Variants in RAP1GDS1 observed in about 807,000 individuals in gnomAD.
RAP1GDS1 encodes the protein RAP1, GTP-GDP dissociation stimulator 1.
Under a neutral mutation model 71.1 loss-of-function variants are expected in RAP1GDS1, and 35 were observed. The ratio of observed to expected loss-of-function variants is 0.49; its 90% CI spans 0.38 to 0.65. RAP1GDS1 has a LOEUF of 0.65. RAP1GDS1 is among the 30% of genes least tolerant of loss of function. RAP1GDS1 has a pLI of 0.00. For synonymous variants in RAP1GDS1, 229 were observed against 243.1 expected (o/e 0.94, Z 0.54); for missense variants, 663 against 706.1 (o/e 0.94, Z 0.69).
intron 2 of RAP1GDS1, among the ~76,000 whole-genome samples, chr4:98,304,028 T>C (rs1263525740): frequency 6.6e-6 from 1 of 152,180 alleles, no homozygotes; most frequent in Non-Finnish European, 1.5e-5. Context: ...ACAAAGGACA[T>C]GATCTAATTC....
At chr4:98,345,495 T>C (rs1736095720) in intron 3 of RAP1GDS1, among the ~76,000 whole-genome samples, 1 of 152,162 alleles carries the variant, frequency 6.6e-6, no homozygotes, top group South Asian at 2.1e-4. Context: ...GTAAAAGATT[T>C]TTTAGACCTT....
chr4:98,340,956 A>G (rs1479143777), intron 2 of RAP1GDS1, among the ~76,000 whole-genome samples: 1 of 152,066 alleles, frequency 6.6e-6, no homozygotes, highest in Non-Finnish European at 1.5e-5. Context: ...AATAATCTTT[A>G]CACCAAACCC....
At chr4:98,371,407 ATCT>A (rs1239299923) in intron 4 of RAP1GDS1, among the ~76,000 whole-genome samples, 1 of 151,512 alleles carries the variant, frequency 6.6e-6, no homozygotes, top group South Asian at 2.1e-4. Context: ...GGATTGTTGT[ATCT>A]TCTTGTTGAA....
chr4:98,322,109 G>T (rs1732034254), intron 2 of RAP1GDS1, among the ~76,000 whole-genome samples: 2 of 99,870 alleles, frequency 2.0e-5, no homozygotes, highest in South Asian at 4.3e-4. Context: ...AAAAAGGCAG[G>T]GATTGCAATC....
chr4:98,443,825 A>G lies in RAP1GDS1; in HGVS notation c.*1708A>G, dbSNP rs982971977. ...CATCTGTAATGTTGCATATCTGTTC[A>G]TATTAATAACTTAATAAATAGTATA... On this transcript the variant is annotated 3_prime_UTR_variant, in exon 15 of 15. Coordinates refer to ENST00000408927, the MANE Select transcript of RAP1GDS1 (RefSeq NM_001100427.2). 1.0e-4 allele frequency: 18 copies of G among 179,860 alleles called. No homozygotes were observed. The highest frequency in any genetic ancestry group is 1.8e-4 in the Non-Finnish European group (15 of 84,020). The allele number at this position is 179,860 out of a possible 1,614,324, so 11.1% of individuals were successfully genotyped here. A position where few individuals can be genotyped will look rare whatever the true frequency, so the allele number is the denominator to read the frequency against.
intron 13 of RAP1GDS1, among the ~76,000 whole-genome samples, chr4:98,434,697 T>C (rs1035787180): frequency 1.3e-5 from 2 of 150,976 alleles, no homozygotes; most frequent in Non-Finnish European, 2.9e-5. Flanking sequence ...CTCAGCTCAC[T>C]GCAACGTCCG....
intron 1 of RAP1GDS1, among the ~76,000 whole-genome samples, chr4:98,281,230 T>C (rs905944256): frequency 1.3e-5 from 2 of 152,168 alleles, no homozygotes; most frequent in Non-Finnish European, 2.9e-5. Flanking sequence ...GATATTGATT[T>C]GTCCTATCCA....
intron 12 of RAP1GDS1, among the ~76,000 whole-genome samples, chr4:98,425,195 T>C (rs1051501883): frequency 2.0e-5 from 3 of 152,062 alleles, no homozygotes; most frequent in African/African-American, 7.2e-5. Flanking sequence ...ACTGAGAGAA[T>C]TCACCACTAC....
At chr4:98,425,871 G>GGACTT (rs911660602) in intron 12 of RAP1GDS1, among the ~76,000 whole-genome samples, 1 of 152,010 alleles carries the variant, frequency 6.6e-6, no homozygotes, top group Admixed American at 6.6e-5. Flanking sequence ...TAGAACAAAT[G>GGACTT]GACTTAACAG....
At position 98,418,731 on chromosome 4, in the gene RAP1GDS1, G is replaced by A. The variant is rs751174564; in HGVS notation, c.1114G>A (p.Asp372Asn). Residue 372 changes from aspartate (D) to asparagine (N), a missense_variant, in exon 10 of 15, where the codon GAT becomes AAT. Transcript: ENST00000408927. ...GGATTTACTGGACAGACATGTAGAA[G>A]ATGGAAATGTAACAGTACAGCATGC... ...LMDLLDRHVE[D>N]GNVTVQHAAL... is the part of the protein sequence containing the mutation. 4 of 1,612,728 alleles carry A rather than the reference G, an allele frequency of 2.5e-6. No homozygotes were observed. In the South Asian group the frequency reaches 4.4e-5, roughly 18 times the overall value.
chr4:98,367,197 A>G (rs867593477), intron 4 of RAP1GDS1, among the ~76,000 whole-genome samples: 2 of 152,190 alleles, frequency 1.3e-5, no homozygotes, highest in Admixed American at 1.3e-4. Context: ...AGCAGGGGCC[A>G]AGGTACAGCT....
chr4:98,330,545 CG>C (rs1310880603), intron 2 of RAP1GDS1, among the ~76,000 whole-genome samples: 2 of 144,908 alleles, frequency 1.4e-5, no homozygotes, highest in African/African-American at 5.2e-5. Flanking sequence ...ACCTCCCAGA[CG>C]GGGCGGCCGG....
chr4:98,301,250 T>A (rs967089481), intron 2 of RAP1GDS1, among the ~76,000 whole-genome samples: 1 of 152,174 alleles, frequency 6.6e-6, no homozygotes. Flanking sequence ...GTGTTCATTG[T>A]CCATGAGGGC....
chr4:98,290,500 A>G (rs187831651), intron 1 of RAP1GDS1, among the ~76,000 whole-genome samples: 1 of 152,244 alleles, frequency 6.6e-6, no homozygotes, highest in East Asian at 1.9e-4. Context: ...CTGATAGCTA[A>G]AAATTTAGGT....
chr4:98,355,920 C>T (rs1737900950), intron 4 of RAP1GDS1, among the ~76,000 whole-genome samples: 1 of 152,164 alleles, frequency 6.6e-6, no homozygotes, highest in South Asian at 2.1e-4. Flanking sequence ...ATGAAAGAAT[C>T]ACTCACTGGC....
In RAP1GDS1 at chr4:98,328,340, A is replaced by G. The variant is rs80356046; in HGVS notation, c.113-14799A>G. ...AAAAAAAGTAGCATTGAGGTGCGTA[A>G]GAGTCTTACTATTATATAAAAGTCT... is the stretch of plus-strand genomic sequence containing the variant. On this transcript the variant is annotated intron_variant, in intron 2 of 14. Transcript: ENST00000408927. Among the ~76,000 whole-genome samples, 2,576 of 152,358 alleles carry G rather than the reference A, an allele frequency of 0.017. 152 individuals are homozygous for G. The East Asian group carries it at 0.23, about 13-fold the overall frequency.
chr4:98,343,447 C>G, intron 3 of RAP1GDS1, 186 bp downstream of exon 3: 2 of 653,232 alleles, frequency 3.1e-6, no homozygotes, highest in East Asian at 3.4e-5. Context: ...CATACCTGTC[C>G]CATCTGATAA....
intron 1 of RAP1GDS1, among the ~76,000 whole-genome samples, chr4:98,274,391 G>C (rs918318544): frequency 2.6e-5 from 4 of 152,122 alleles, no homozygotes; most frequent in Non-Finnish European, 5.9e-5. Context: ...AATAAATGAA[G>C]TTCACTGGTG....
At chr4:98,350,178 A>G (rs535176176) in intron 3 of RAP1GDS1, among the ~76,000 whole-genome samples, 5 of 152,382 alleles carry the variant, frequency 3.3e-5, no homozygotes, top group East Asian at 1.9e-4. Context: ...TAGGCAAAAC[A>G]TAAAAGAAAC....
Sources: allele counts gnomAD v4.1 joint callset (sites outside exome capture counted in the v4.1 genomes callset), GRCh38; gene constraint gnomAD v4.1.1; transcripts MANE v1.5; gene names NCBI Gene and HGNC (gene_info 2026-07-23, HGNC 2026-07-21).